Variants in PTPRD observed in about 807,000 individuals in gnomAD.
PTPRD encodes receptor-type tyrosine-protein phosphatase delta.
A neutral mutation model predicts 214.5 loss-of-function variants in PTPRD; 34 were observed. That is an observed-to-expected ratio of 0.16 (90% CI 0.12 to 0.21). The LOEUF is 0.21. Among genes scored for constraint, PTPRD ranks in the 10% least tolerant of loss-of-function variants. The pLI is 1.00. For missense variants in PTPRD, 2,545 were observed against 2,398.7 expected (o/e 1.06, Z -1.27); for synonymous variants, 1,128 against 845.7 (o/e 1.33, Z -5.79).
chr9:8,797,941 G>C (rs567965939), intron 11 of PTPRD, among the ~76,000 whole-genome samples: 2 of 150,822 alleles, frequency 1.3e-5, no homozygotes, highest in East Asian at 3.9e-4. Flanking sequence ...AAAGATCATA[G>C]CTCTCTGCAG....
chr9:8,641,549 C>G (rs1320326819), intron 12 of PTPRD, among the ~76,000 whole-genome samples: 1 of 148,272 alleles, frequency 6.7e-6, no homozygotes, highest in Non-Finnish European at 1.5e-5. Context: ...ACTGGTCAAC[C>G]CAGAAAGTCT....
intron 10 of PTPRD, among the ~76,000 whole-genome samples, chr9:9,127,468 G>T (rs1362924014): frequency 6.6e-6 from 1 of 152,188 alleles, no homozygotes; most frequent in Non-Finnish European, 1.5e-5. Context: ...GACAAGACTT[G>T]CAGATAATTT....
chr9:9,506,327 C>G (rs2096569773), intron 8 of PTPRD, among the ~76,000 whole-genome samples: 2 of 151,356 alleles, frequency 1.3e-5, no homozygotes, highest in Non-Finnish European at 3.0e-5. Flanking sequence ...GGACCTTTAT[C>G]TTAAAGGGAG....
intron 7 of PTPRD, among the ~76,000 whole-genome samples, chr9:9,712,773 C>T (rs1239764364): frequency 6.6e-6 from 1 of 152,220 alleles, no homozygotes; most frequent in Non-Finnish European, 1.5e-5. Flanking sequence ...CAATAATATG[C>T]CAGACCTACC....
intron 14 of PTPRD, among the ~76,000 whole-genome samples, chr9:8,557,559 A>G (rs761075323): frequency 6.7e-6 from 1 of 149,518 alleles, no homozygotes; most frequent in Non-Finnish European, 1.5e-5. Context: ...CCTGACCAAC[A>G]TGGCGAAACC....
chr9:8,949,223 C>G (rs1221436217), intron 11 of PTPRD, among the ~76,000 whole-genome samples: 1 of 54,750 alleles, frequency 1.8e-5, no homozygotes, highest in Admixed American at 2.1e-4. Flanking sequence ...GACTCCATCT[C>G]AAAAAAAGAA....
intron 10 of PTPRD, among the ~76,000 whole-genome samples, chr9:9,052,411 T>A (rs546549933): frequency 6.6e-6 from 1 of 152,314 alleles, no homozygotes; most frequent in South Asian, 2.1e-4. Flanking sequence ...TAATAGTAGA[T>A]TGAATACAAG....
At position 8,501,544 on chromosome 9, in the gene PTPRD, C is replaced by T. The variant is rs540798898; in HGVS notation, c.1823-485G>A. On this transcript the variant is annotated intron_variant, in intron 23 of 45. Transcript: ENST00000381196. ...ACATACAGTACTCATTTGTGAAAGG[C>T]TTCTTAAGTGTGAAAAGTTGCAATA... Among the ~76,000 whole-genome samples the T allele has an allele frequency of 1.8e-4, 27 of 152,166 alleles. 1 individual carries two copies. Among genetic ancestry groups the T allele is most frequent in the Admixed American group, 2.0e-4 (3 of 15,282 alleles).
chr9:10,067,853 T>C (rs291316), intron 3 of PTPRD, among the ~76,000 whole-genome samples: 40,095 of 151,772 alleles, frequency 0.26, 10,504 homozygotes, highest in African/African-American at 0.68. Flanking sequence ...TGAAAAAGCC[T>C]AGATTGTAGC....
At chr9:9,422,237 G>C (rs964772342) in intron 8 of PTPRD, among the ~76,000 whole-genome samples, 3 of 152,108 alleles carry the variant, frequency 2.0e-5, no homozygotes, top group Non-Finnish European at 4.4e-5. Context: ...GGCACAAAGA[G>C]GTTAAGTAGC....
rs565420982 is a variant in PTPRD, at chr9:10,344,849, C to G, written c.-599-3832G>C. 3.9e-5 allele frequency among the ~76,000 whole-genome samples: 6 copies of G among 152,036 alleles called. No homozygotes were observed. In the South Asian group the frequency reaches 1.2e-3, roughly 32 times the overall value. On this transcript the variant is annotated intron_variant, in intron 2 of 45. Transcript: ENST00000381196. ...GTTTGTCTGTTATTGGAGTTATACA[C>G]TTTTTCAAAAAGCAAACCAAAATCA...
At chr9:8,344,390 A>ATCTTG (rs1237903012) in intron 39 of PTPRD, among the ~76,000 whole-genome samples, 1 of 152,052 alleles carries the variant, frequency 6.6e-6, no homozygotes, top group Non-Finnish European at 1.5e-5. Flanking sequence ...ATACTACAGA[A>ATCTTG]TCTTGCAAAA....
intron 7 of PTPRD, among the ~76,000 whole-genome samples, chr9:9,645,310 G>T (rs1294226686): frequency 6.6e-6 from 1 of 152,092 alleles, no homozygotes; most frequent in Non-Finnish European, 1.5e-5. Flanking sequence ...ATTTCTCAGA[G>T]TTGCTCTAGA....
intron 3 of PTPRD, among the ~76,000 whole-genome samples, chr9:10,093,077 G>T (rs191398845): frequency 1.7e-3 from 254 of 151,650 alleles, no homozygotes; most frequent in African/African-American, 5.7e-3. Flanking sequence ...AAAAGCAATT[G>T]CAACAAAAAC....
chr9:10,230,474 ATCTG>A (rs879648467), intron 3 of PTPRD, among the ~76,000 whole-genome samples: 177 of 151,316 alleles, frequency 1.2e-3, no homozygotes, highest in African/African-American at 4.0e-3. Context: ...CTATCTATCT[ATCTG>A]TCTATCTACC....
chr9:9,257,486 T>A (rs1380243794), intron 9 of PTPRD, among the ~76,000 whole-genome samples: 2 of 151,316 alleles, frequency 1.3e-5, no homozygotes, highest in East Asian at 3.9e-4. Flanking sequence ...AAGTCCGAAT[T>A]TTTATATATG....
At chr9:8,784,200 C>T (rs2095849091) in intron 11 of PTPRD, among the ~76,000 whole-genome samples, 1 of 152,180 alleles carries the variant, frequency 6.6e-6, no homozygotes, top group Admixed American at 6.5e-5. Context: ...TGGCTTCATT[C>T]TGCTGAAATA....
chr9:8,906,673 T>C (rs2098710037), intron 11 of PTPRD, among the ~76,000 whole-genome samples: 1 of 152,100 alleles, frequency 6.6e-6, no homozygotes, highest in Non-Finnish European at 1.5e-5. Context: ...GTTCCTCCCA[T>C]TTGTCCCTGC....
chr9:8,860,728 CAAA>C (rs1251253870), intron 11 of PTPRD: 1 of 152,126 alleles, frequency 6.6e-6, no homozygotes, highest in Non-Finnish European at 1.5e-5. Context: ...AATTTTAAGT[CAAA>C]GAACATCAGA....
Sources: gnomAD v4.1 joint callset for allele counts (sites outside exome capture counted in the v4.1 genomes callset) on GRCh38, gnomAD v4.1.1 for gene constraint, MANE v1.5 for transcripts, NCBI Gene and HGNC (gene_info 2026-07-23, HGNC 2026-07-21) for gene names.